Variants in YEATS2 observed in about 807,000 individuals in gnomAD.
YEATS2 encodes the protein YEATS domain containing 2.
In YEATS2, 77 loss-of-function variants were observed where a neutral mutation model predicts 163.2. The ratio of observed to expected loss-of-function variants is 0.47; its 90% CI spans 0.39 to 0.57. The LOEUF is 0.57. Among genes scored for constraint, YEATS2 ranks in the 20% least tolerant of loss-of-function variants. YEATS2 has a pLI of 0.00. For missense variants in YEATS2, 1,549 were observed against 1,729.8 expected (o/e 0.90, Z 1.85); for synonymous variants, 631 against 645.1 (o/e 0.98, Z 0.33).
intron 1 of YEATS2, among the ~76,000 whole-genome samples, chr3:183,699,182 T>C (rs1454270976): frequency 6.6e-6 from 1 of 151,954 alleles, no homozygotes; most frequent in Non-Finnish European, 1.5e-5. Flanking sequence ...AAGACTTGGA[T>C]TGGTGAGGGA....
chr3:183,800,778 T>C (rs1049578290), intron 24 of YEATS2, among the ~76,000 whole-genome samples: 2 of 152,208 alleles, frequency 1.3e-5, no homozygotes, highest in Non-Finnish European at 2.9e-5. Context: ...GGCACTTGAT[T>C]TGTAGCCTTA....
In YEATS2 at chr3:183,709,668, G is replaced by A. The variant is rs926924172; in HGVS notation, c.-19-5476G>A. ...CTTTTTATAATGAGGCTGTTTTAATGAGATAAATTTTTTTTTTTTTTTTTT... is the reference window on the plus strand; with the variant it reads ...CTTTTTATAATGAGGCTGTTTTAATAAGATAAATTTTTTTTTTTTTTTTTT... On this transcript the variant is annotated intron_variant, in intron 1 of 30. Transcript: ENST00000305135. 2.1e-5 allele frequency among the ~76,000 whole-genome samples: 3 copies of A among 143,398 alleles called. No homozygotes were observed. In the Admixed American group the frequency reaches 2.1e-4, roughly 10 times the overall value. The allele number at this position is 143,398 out of a possible 152,430, so 94.1% of individuals were successfully genotyped here. A position where few individuals can be genotyped will look rare whatever the true frequency, so the allele number is the denominator to read the frequency against.
intron 7 of YEATS2, among the ~76,000 whole-genome samples, chr3:183,734,967 A>G (rs1346233826): frequency 6.6e-6 from 1 of 152,182 alleles, no homozygotes; most frequent in Non-Finnish European, 1.5e-5. Flanking sequence ...TACCATTTCC[A>G]TAAATAGTGT....
At chr3:183,746,846 C>T (rs956735246) in intron 8 of YEATS2, among the ~76,000 whole-genome samples, 4 of 152,052 alleles carry the variant, frequency 2.6e-5, no homozygotes, top group African/African-American at 4.8e-5. Context: ...GTGACACCTA[C>T]CTCTCATAAG....
chr3:183,752,721 A>AC (rs1365170975), intron 10 of YEATS2, among the ~76,000 whole-genome samples: 1 of 151,596 alleles, frequency 6.6e-6, no homozygotes, highest in East Asian at 1.9e-4. Flanking sequence ...AAAAAAAAAA[A>AC]AAAATTTCCA....
chr3:183,802,487 ATG>A lies in YEATS2; in HGVS notation c.3503-747_3503-746del, dbSNP rs10663581. 452 of 145,240 alleles carry A rather than the reference ATG, an allele frequency of 3.1e-3. 5 individuals are homozygous for A. The highest frequency in any genetic ancestry group is 0.019 in the East Asian group (91 of 4,684). 9.0% of individuals were successfully genotyped at this position (145,240 alleles called of 1,614,324 possible). The stretch of plus-strand genomic sequence containing the variant: ...TCAAACAAAAAAATCTCTCTTATAT[ATG>A]TGTGTGTGTGTGTGTGTGTGTATAC... On this transcript the variant is annotated intron_variant, in intron 25 of 30. Transcript: ENST00000305135.
rs1011901620 is a variant in YEATS2, at chr3:183,793,154, G to A, written c.3097+2174G>A. 32 of 1,283,998 alleles carry A rather than the reference G, an allele frequency of 2.5e-5. No individual in the cohort carries two copies. In the African/African-American group the frequency reaches 2.8e-4, roughly 11 times the overall value. 79.5% of individuals were successfully genotyped at this position (1,283,998 alleles called of 1,614,324 possible). On this transcript the variant is annotated intron_variant, in intron 21 of 30. Coordinates refer to ENST00000305135, the MANE Select transcript of YEATS2 (RefSeq NM_018023.5). ...AGCATACGGCTGGCACTGGTCTACC[G>A]GAAAAACTGAATATCACCGAGATAC...
Position 183,790,938 on chromosome 3 carries a change from G to A in YEATS2, c.3055G>A (p.Val1019Met), listed in dbSNP as rs751732961. The stretch of plus-strand genomic sequence containing the variant: ...CACCGTCGTCAGCGCCACGTCCCTC[G>A]TGCCTACACCAAACCCCATCTCTGG... The part of the protein sequence containing the change: ...TPTVVSATSL[V>M]PTPNPISGKA... The change falls in exon 21 of 31, where the codon GTG (valine) becomes ATG (methionine). Residue 1019 changes from valine to methionine, a missense_variant. Coordinates refer to ENST00000305135, the MANE Select transcript of YEATS2 (RefSeq NM_018023.5). The A allele has an allele frequency of 6.8e-6, 11 of 1,614,022 alleles. No individual in the cohort carries two copies. In the East Asian group the frequency reaches 1.1e-4, roughly 16 times the overall value.
chr3:183,767,614 C>G (rs1171114427), intron 15 of YEATS2, among the ~76,000 whole-genome samples: 2 of 152,132 alleles, frequency 1.3e-5, no homozygotes, highest in Non-Finnish European at 2.9e-5. Flanking sequence ...AACTTCTGAC[C>G]TTGTGATCTG....
chr3:183,805,525 G>A (rs894325441), intron 27 of YEATS2, among the ~76,000 whole-genome samples: 6 of 152,168 alleles, frequency 3.9e-5, no homozygotes, highest in African/African-American at 1.4e-4. Context: ...ACTTAGGGCC[G>A]GGCTCAGTGG....
At chr3:183,717,591 TTAAA>T (rs1365238346) in intron 2 of YEATS2, 56 bp from the exon 3 acceptor site, 6 of 1,281,218 alleles carry the variant, frequency 4.7e-6, no homozygotes, top group Non-Finnish European at 6.5e-6. Flanking sequence ...GCTTGCTGAC[TTAAA>T]TAAAGACAGT....
At chr3:183,801,789 T>A in intron 25 of YEATS2, 1 of 340,780 alleles carries the variant, frequency 2.9e-6, no homozygotes, top group South Asian at 4.0e-5. Context: ...TGTATGCAGT[T>A]AAAACTCTGT....
chr3:183,708,596 G>A (rs1714864457), intron 1 of YEATS2, among the ~76,000 whole-genome samples: 1 of 152,044 alleles, frequency 6.6e-6, no homozygotes, highest in African/African-American at 2.4e-5. Context: ...TGGGGCCAGG[G>A]GTGGTGGCTT....
chr3:183,704,326 C>T (rs1301970881), intron 1 of YEATS2, among the ~76,000 whole-genome samples: 1 of 151,984 alleles, frequency 6.6e-6, no homozygotes, highest in Admixed American at 6.6e-5. Context: ...GCTTTTAATA[C>T]CCTGCTGGAT....
At chr3:183,706,803 C>T (rs546237659) in intron 1 of YEATS2, among the ~76,000 whole-genome samples, 24 of 151,702 alleles carry the variant, frequency 1.6e-4, no homozygotes, top group Middle Eastern at 3.4e-3. Context: ...ACAACAAGAG[C>T]GAAACTCTGT....
chr3:183,719,755 A>G (rs542907034), intron 4 of YEATS2, among the ~76,000 whole-genome samples: 1 of 152,036 alleles, frequency 6.6e-6, no homozygotes, highest in East Asian at 1.9e-4. Context: ...AGCTTCACTT[A>G]TAGCCTCCAA....
intron 15 of YEATS2, among the ~76,000 whole-genome samples, chr3:183,762,643 A>G (rs1181852596): frequency 2.0e-5 from 3 of 149,142 alleles, no homozygotes; most frequent in Non-Finnish European, 4.4e-5. Context: ...TGTAGTTTAT[A>G]CCTCTGATGT....
chr3:183,767,956 G>A (rs1201960799), intron 15 of YEATS2, among the ~76,000 whole-genome samples: 3 of 152,204 alleles, frequency 2.0e-5, no homozygotes, highest in African/African-American at 7.2e-5. Context: ...AAAAATGTGT[G>A]TATTGTTTTC....
chr3:183,787,115 C>T (rs373984214), intron 20 of YEATS2, among the ~76,000 whole-genome samples: 571 of 152,102 alleles, frequency 3.8e-3, no homozygotes, highest in African/African-American at 0.013. Context: ...CCACCATGTC[C>T]GGCTAATTTT....
Sources: gnomAD v4.1 joint callset for allele counts (sites outside exome capture counted in the v4.1 genomes callset) on GRCh38, gnomAD v4.1.1 for gene constraint, MANE v1.5 for transcripts, NCBI Gene and HGNC (gene_info 2026-07-23, HGNC 2026-07-21) for gene names.